The following KLF8 variants were observed in gnomAD, a reference collection of about 807,000 sequenced individuals.
KLF8 encodes the protein KLF transcription factor 8.
KLF8 carries 10 observed loss-of-function variants against 18.2 expected under a neutral mutation model. The ratio of observed to expected loss-of-function variants is 0.55; its 90% CI spans 0.34 to 0.93. The LOEUF (loss-of-function observed/expected upper bound fraction) is 0.93. KLF8 is among the 40% of genes least tolerant of loss of function. The probability of loss-of-function intolerance (pLI) is 0.02; values close to 1 mark genes in which losing one functional copy is unlikely to be tolerated. For synonymous variants in KLF8, 109 were observed against 97.3 expected (o/e 1.12, Z -0.71); for missense variants, 264 against 277.9 (o/e 0.95, Z 0.36).
chrX:56,132,382 A>G, the KLF8 span, among the ~76,000 whole-genome samples: 1 of 111,417 alleles, frequency 9.0e-6, no homozygotes, highest in Non-Finnish European at 1.9e-5. Context: ...TGCTCCTGAA[A>G]GATCATTGGA....
chrX:55,987,570 T>A, the KLF8 span, among the ~76,000 whole-genome samples: 1 of 112,306 alleles, frequency 8.9e-6, no homozygotes, highest in Admixed American at 9.4e-5. Flanking sequence ...ATGGTGTATA[T>A]GTGCCACATT....
chrX:56,180,121 T>C, the KLF8 span, among the ~76,000 whole-genome samples: 2 of 111,672 alleles, frequency 1.8e-5, no homozygotes, highest in Non-Finnish European at 3.8e-5. Context: ...CGTCTGATCC[T>C]GGACTTTTTT....
At chrX:56,078,483 G>A in the KLF8 span, among the ~76,000 whole-genome samples, 1 of 111,748 alleles carries the variant, frequency 8.9e-6, no homozygotes, top group Non-Finnish European at 1.9e-5. Flanking sequence ...TGCATCCCAG[G>A]GATGAATCCC....
At chrX:56,052,556 G>A in the KLF8 span, among the ~76,000 whole-genome samples, 4 of 111,799 alleles carry the variant, frequency 3.6e-5, no homozygotes, top group Non-Finnish European at 7.5e-5. Context: ...CCCTGCTGGG[G>A]GGTGCGTCCC....
At chrX:56,161,935 CA>C in the KLF8 span, among the ~76,000 whole-genome samples, 4 of 111,637 alleles carry the variant, frequency 3.6e-5, no homozygotes, top group South Asian at 3.8e-4. Context: ...TGGTGACATA[CA>C]GATGGGGTTT....
At chrX:56,217,999 G>T in the KLF8 span, among the ~76,000 whole-genome samples, 1 of 110,375 alleles carries the variant, frequency 9.1e-6, no homozygotes, top group Non-Finnish European at 1.9e-5. Flanking sequence ...AAACTAGTCA[G>T]GTCAGAGATG....
At chrX:56,215,683 T>C in the KLF8 span, among the ~76,000 whole-genome samples, 1 of 105,474 alleles carries the variant, frequency 9.5e-6, no homozygotes, top group Non-Finnish European at 1.9e-5. Flanking sequence ...ATTAGCCAGG[T>C]GTGATGGCCA....
chrX:56,087,578 GC>G, the KLF8 span, among the ~76,000 whole-genome samples: 1 of 110,701 alleles, frequency 9.0e-6, no homozygotes, highest in Non-Finnish European at 1.9e-5. Flanking sequence ...GGAACTGTGA[GC>G]CAACTACACT....
At chrX:56,180,051 G>C in the KLF8 span, among the ~76,000 whole-genome samples, 1 of 111,466 alleles carries the variant, frequency 9.0e-6, no homozygotes, top group Non-Finnish European at 1.9e-5. Flanking sequence ...GATTGGAATA[G>C]TTTCAGAAAG....
At chrX:55,971,078 G>C in the KLF8 span, among the ~76,000 whole-genome samples, 1 of 110,861 alleles carries the variant, frequency 9.0e-6, no homozygotes, top group African/African-American at 3.3e-5. Context: ...AATTTATATG[G>C]AGTCACAACA....
chrX:56,120,196 C>T, the KLF8 span, among the ~76,000 whole-genome samples: 1 of 110,943 alleles, frequency 9.0e-6, no homozygotes, highest in African/African-American at 3.3e-5. Flanking sequence ...GATGCCACCA[C>T]TGCCTTGTCT....
At chrX:56,200,595 C>CA in the KLF8 span, among the ~76,000 whole-genome samples, 13 of 106,900 alleles carry the variant, frequency 1.2e-4, no homozygotes, top group Non-Finnish European at 2.5e-4. Flanking sequence ...AAAACACAAG[C>CA]AAAAAAAGCA....
chrX:56,200,964 G>C, the KLF8 span, among the ~76,000 whole-genome samples: 1 of 111,513 alleles, frequency 9.0e-6, no homozygotes. Flanking sequence ...AAAAATAAAA[G>C]ATGACACATA....
the KLF8 span, among the ~76,000 whole-genome samples, chrX:56,141,564 C>A: frequency 9.0e-6 from 1 of 111,304 alleles, no homozygotes; most frequent in African/African-American, 3.2e-5. Context: ...TTTTTGAAAT[C>A]TCTTATTTTC....
At chrX:56,095,491 C>CAA in the KLF8 span, among the ~76,000 whole-genome samples, 81 of 107,078 alleles carry the variant, frequency 7.6e-4, no homozygotes, top group African/African-American at 2.7e-3. Flanking sequence ...TTCTGCACAG[C>CAA]AAAAAAAAAG....
chrX:56,195,088 C>G, the KLF8 span, among the ~76,000 whole-genome samples: 1 of 111,954 alleles, frequency 8.9e-6, no homozygotes, highest in African/African-American at 3.2e-5. Context: ...TCACCAACAT[C>G]AAAGACTAAA....
chrX:56,175,043 AT>A, the KLF8 span, among the ~76,000 whole-genome samples: 5 of 109,940 alleles, frequency 4.5e-5, no homozygotes, highest in African/African-American at 1.6e-4. Context: ...CCTTCAAAAA[AT>A]CAGCTCCTGG....
At chrX:56,244,965 T>C (rs1281886055) in intron 1 of KLF8, among the ~76,000 whole-genome samples, 6 of 112,022 alleles carry the variant, frequency 5.4e-5, no homozygotes, top group Non-Finnish European at 9.4e-5. Flanking sequence ...ATTTGAGGTA[T>C]TAGAAAATGG....
chrX:56,167,635 C>T, the KLF8 span, among the ~76,000 whole-genome samples: 1 of 112,122 alleles, frequency 8.9e-6, no homozygotes, highest in African/African-American at 3.2e-5. Flanking sequence ...TGGGGAATTA[C>T]ATGATTGTTG....
Sources: gnomAD v4.1 joint callset for allele counts (sites outside exome capture counted in the v4.1 genomes callset) on GRCh38, gnomAD v4.1.1 for gene constraint, MANE v1.5 for transcripts, NCBI Gene and HGNC (gene_info 2026-07-23, HGNC 2026-07-21) for gene names.